CRB1: variants seen among roughly 807,000 people sequenced by gnomAD.
CRB1 encodes crumbs cell polarity complex component 1.
A neutral mutation model predicts 120.0 loss-of-function variants in CRB1; 83 were observed. The observed-to-expected ratio is 0.69, with a 90% CI of 0.58 to 0.83. CRB1 has a LOEUF of 0.83. CRB1 is among the 40% of genes least tolerant of loss of function. CRB1 has a pLI of 0.00. For missense variants in CRB1, 1,699 were observed against 1,687.6 expected, an observed-to-expected ratio of 1.01 and a Z score of -0.12; for synonymous variants, 625 against 612.5, an observed-to-expected ratio of 1.02 and a Z score of -0.30.
intron 1 of CRB1, among the ~76,000 whole-genome samples, chr1:197,292,221 A>T (rs1656228309): frequency 6.6e-6 from 1 of 152,184 alleles, no homozygotes; most frequent in African/African-American, 2.4e-5. Flanking sequence ...CGCAATAAAA[A>T]ATGATAAAGG....
chr1:197,211,573 T>G, the CRB1 span, among the ~76,000 whole-genome samples: 1 of 152,130 alleles, frequency 6.6e-6, no homozygotes, highest in Non-Finnish European at 1.5e-5. Context: ...GCTAGTTACT[T>G]CTGGTCCTTT....
At chr1:197,279,853 T>C (rs1263117739) in intron 1 of CRB1, among the ~76,000 whole-genome samples, 1 of 151,392 alleles carries the variant, frequency 6.6e-6, no homozygotes, top group African/African-American at 2.4e-5. Context: ...TTTTTTAAAT[T>C]AGAGGAGTCT....
intron 5 of CRB1, among the ~76,000 whole-genome samples, chr1:197,361,265 G>A (rs897154543): frequency 1.3e-5 from 2 of 151,212 alleles, no homozygotes; most frequent in African/African-American, 2.4e-5. Context: ...CATAAAATAA[G>A]TTGGAAAATG....
intron 1 of CRB1, among the ~76,000 whole-genome samples, chr1:197,290,782 GAAGTT>G (rs1353901269): frequency 6.6e-6 from 1 of 151,782 alleles, no homozygotes; most frequent in Admixed American, 6.6e-5. Flanking sequence ...ACTAAAAATA[GAAGTT>G]AATTATCCAT....
intron 1 of CRB1, among the ~76,000 whole-genome samples, chr1:197,277,983 A>G (rs565881081): frequency 1.3e-5 from 2 of 152,108 alleles, no homozygotes; most frequent in South Asian, 4.1e-4. Context: ...AAACAAACCC[A>G]ACATCTTAGT....
chr1:197,453,906 A>T (rs1000971659), intron 11 of CRB1, among the ~76,000 whole-genome samples: 1 of 36,482 alleles, frequency 2.7e-5, no homozygotes, highest in Non-Finnish European at 6.0e-5. Flanking sequence ...TTATATTATT[A>T]ATATATATTA....
the CRB1 span, among the ~76,000 whole-genome samples, chr1:197,260,033 A>G: frequency 6.6e-6 from 1 of 151,824 alleles, no homozygotes; most frequent in Non-Finnish European, 1.5e-5. Flanking sequence ...CCTGGCTGTA[A>G]TCCCAGGTAC....
intron 5 of CRB1, among the ~76,000 whole-genome samples, chr1:197,360,720 G>T (rs1287113829): frequency 2.6e-5 from 4 of 152,070 alleles, no homozygotes; most frequent in Non-Finnish European, 4.4e-5. Flanking sequence ...TAGATTCCAG[G>T]GCATTGTCTG....
chr1:197,429,941 G>A (rs1385293533), intron 8 of CRB1, among the ~76,000 whole-genome samples: 3 of 152,136 alleles, frequency 2.0e-5, no homozygotes, highest in African/African-American at 7.2e-5. Flanking sequence ...TGCATGTTAC[G>A]CATTGCCATT....
At chr1:197,420,256 G>A (rs535462407) in intron 5 of CRB1, among the ~76,000 whole-genome samples, 4 of 152,124 alleles carry the variant, frequency 2.6e-5, no homozygotes, top group South Asian at 2.1e-4. Context: ...CAACAGCCAC[G>A]CTTATTAAAA....
chr1:197,460,458 A>G (rs1666479288), intron 11 of CRB1, among the ~76,000 whole-genome samples: 1 of 152,140 alleles, frequency 6.6e-6, no homozygotes, highest in African/African-American at 2.4e-5. Flanking sequence ...AGTCTAGTGC[A>G]CAAGAAAGCT....
intron 5 of CRB1, among the ~76,000 whole-genome samples, chr1:197,374,628 G>A (rs910814265): frequency 1.6e-4 from 24 of 152,128 alleles, no homozygotes; most frequent in Non-Finnish European, 7.4e-5. Context: ...AGAGCAGCTC[G>A]ACACTAGTAA....
chr1:197,336,487 T>C (rs1235558646), intron 2 of CRB1, among the ~76,000 whole-genome samples: 1 of 152,184 alleles, frequency 6.6e-6, no homozygotes, highest in Non-Finnish European at 1.5e-5. Context: ...TGCGCTTAAT[T>C]ATGAAATTGA....
At chr1:197,420,260 A>T (rs1192394445) in intron 5 of CRB1, among the ~76,000 whole-genome samples, 1 of 152,236 alleles carries the variant, frequency 6.6e-6, no homozygotes, top group African/African-American at 2.4e-5. Context: ...AGCCACGCTT[A>T]TTAAAAGGTG....
chr1:197,284,588 T>C (rs1283110550), intron 1 of CRB1, among the ~76,000 whole-genome samples: 1 of 151,902 alleles, frequency 6.6e-6, no homozygotes, highest in Admixed American at 6.6e-5. Context: ...TGCATCAATA[T>C]AGGTAAATAT....
At chr1:197,447,396 A>G (rs1176081955) in intron 11 of CRB1, 1 of 152,240 alleles carries the variant, frequency 6.6e-6, no homozygotes, top group Non-Finnish European at 1.5e-5. Flanking sequence ...TAATTATGCA[A>G]TTGTGTACAT....
At chr1:197,351,173 C>A in intron 4 of CRB1, among the ~76,000 whole-genome samples, 1 of 120,620 alleles carries the variant, frequency 8.3e-6, no homozygotes, top group Admixed American at 9.8e-5. Context: ...GAAACCCCAT[C>A]TCTACTAAAA....
chr1:197,223,106 G>A, the CRB1 span: 1 of 821,988 alleles, frequency 1.2e-6, no homozygotes, highest in Admixed American at 1.7e-5. Context: ...GTATAATTTT[G>A]AATATTCAGT....
At chr1:197,332,823 G>A (rs533625076) in intron 2 of CRB1, among the ~76,000 whole-genome samples, 6 of 152,304 alleles carry the variant, frequency 3.9e-5, no homozygotes, top group African/African-American at 1.4e-4. Flanking sequence ...AGACACACAG[G>A]GAAGTGTGTT....
Sources: allele counts gnomAD v4.1 joint callset (sites outside exome capture counted in the v4.1 genomes callset), GRCh38; gene constraint gnomAD v4.1.1; transcripts MANE v1.5; gene names NCBI Gene and HGNC (gene_info 2026-07-23, HGNC 2026-07-21).